The following UNC79 variants were observed in gnomAD, a reference collection of about 807,000 sequenced individuals.
UNC79 encodes unc-79 subunit of NALCN channel complex.
Under a neutral mutation model 283.1 loss-of-function variants are expected in UNC79, and 37 were observed. That is an observed-to-expected ratio of 0.13 (90% CI 0.10 to 0.17). UNC79 has a LOEUF of 0.17. Ranked by LOEUF, UNC79 falls within the 10% of genes least tolerant of loss-of-function variation. The pLI is 1.00. For missense variants in UNC79, 2,272 were observed against 3,211.1 expected (o/e 0.71, Z 7.07); for synonymous variants, 1,107 against 1,200.2 (o/e 0.92, Z 1.61).
At chr14:93,564,032 C>T (rs1254819612) in intron 14 of UNC79, among the ~76,000 whole-genome samples, 2 of 152,152 alleles carry the variant, frequency 1.3e-5, no homozygotes, top group Non-Finnish European at 2.9e-5. Flanking sequence ...GCATGATGGC[C>T]AGCCTAAAAC....
chr14:93,412,541 G>A (rs554611277), intron 1 of UNC79, among the ~76,000 whole-genome samples: 1 of 152,124 alleles, frequency 6.6e-6, no homozygotes, highest in Admixed American at 6.5e-5. Flanking sequence ...AGCAGCAAGA[G>A]AAAATAAAGA....
intron 1 of UNC79, among the ~76,000 whole-genome samples, chr14:93,456,875 T>C (rs2056809713): frequency 1.3e-5 from 2 of 152,220 alleles, no homozygotes; most frequent in Admixed American, 1.3e-4. Context: ...ATGGGTATTC[T>C]TTGATCTCAC....
chr14:93,446,503 C>A (rs2056465112), intron 1 of UNC79, among the ~76,000 whole-genome samples: 1 of 151,010 alleles, frequency 6.6e-6, no homozygotes, highest in Non-Finnish European at 1.5e-5. Flanking sequence ...TTAAGCGATT[C>A]TCTTGCCTCA....
intron 29 of UNC79, among the ~76,000 whole-genome samples, chr14:93,619,130 A>G (rs1257826270): frequency 6.6e-6 from 1 of 152,204 alleles, no homozygotes; most frequent in Non-Finnish European, 1.5e-5. Flanking sequence ...AAAAGTATAA[A>G]TTGTACCAGT....
At chr14:93,629,504 CTT>C (rs1342893673) in intron 30 of UNC79, among the ~76,000 whole-genome samples, 1 of 152,096 alleles carries the variant, frequency 6.6e-6, no homozygotes, top group African/African-American at 2.4e-5. Flanking sequence ...GTTTGGGAAA[CTT>C]TACAAGAGTT....
At chr14:93,695,043 T>G (rs2074991352) in intron 47 of UNC79, among the ~76,000 whole-genome samples, 2 of 152,230 alleles carry the variant, frequency 1.3e-5, no homozygotes. Context: ...AACAGACTAG[T>G]GTGATACAAA....
rs530649831 is a variant in UNC79 at position 93,680,839 on chromosome 14, T to C, written c.6742-1778T>C. Among the ~76,000 whole-genome samples the C allele has an allele frequency of 5.3e-5, 8 of 152,290 alleles. 1 individual carries two copies. The highest frequency in any genetic ancestry group is 1.4e-4 in the African/African-American group (6 of 41,554). ...GGCCTAGATAGCTTTTTAAAATGAA[T>C]TTTATGGGAAAACATGCAATCTCTA... On this transcript the variant is annotated intron_variant, in intron 41 of 48. Transcript: ENST00000555664.
Position 93,580,139 on chromosome 14 carries a change from T to G in UNC79, c.2434-10T>G. On this transcript the variant is annotated splice_polypyrimidine_tract_variant and intron_variant, in intron 18 of 48. Coordinates refer to ENST00000555664, the Ensembl canonical transcript of UNC79. ...GTGTGTGCGTGTGTCCTTTTTTTGA[T>G]GTCTTTCAGATGGAGTTACAAGATG... 9 of 1,602,724 alleles carry G rather than the reference T, an allele frequency of 5.6e-6. No homozygotes were observed. The highest frequency in any genetic ancestry group is 6.8e-6 in the Non-Finnish European group (8 of 1,174,344).
In UNC79 at chr14:93,633,465, A is replaced by G. The variant is rs116330837; in HGVS notation, c.5716+2557A>G. ...GTGAAATGTGTGTATAACATTGAAG[A>G]GTTTCCAGGGGCCATGCGGTCATCC... On this transcript the variant is annotated intron_variant, in intron 31 of 48. Transcript: ENST00000555664. Among the ~76,000 whole-genome samples, 698 of 152,320 alleles carry G rather than the reference A, an allele frequency of 4.6e-3. 9 individuals are homozygous for G. Among genetic ancestry groups the G allele is most frequent in the African/African-American group, 0.016 (680 of 41,558 alleles).
At chr14:93,399,952 A>G (rs1237242987) in intron 1 of UNC79, among the ~76,000 whole-genome samples, 1 of 152,200 alleles carries the variant, frequency 6.6e-6, no homozygotes, top group Non-Finnish European at 1.5e-5. Flanking sequence ...CGCCTGAGAT[A>G]GAACCTGGAA....
chr14:93,519,090 CTGCT>C (rs1479415401), intron 7 of UNC79, among the ~76,000 whole-genome samples: 5 of 151,798 alleles, frequency 3.3e-5, no homozygotes, highest in African/African-American at 1.2e-4. Flanking sequence ...GATTTTCTGT[CTGCT>C]TGTTTTATCA....
intron 1 of UNC79, among the ~76,000 whole-genome samples, chr14:93,370,465 T>G (rs1178380491): frequency 2.6e-5 from 4 of 152,174 alleles, no homozygotes; most frequent in Non-Finnish European, 5.9e-5. Flanking sequence ...AAGAAAGATC[T>G]CTGCGCTTAA....
intron 39 of UNC79, among the ~76,000 whole-genome samples, chr14:93,660,561 A>ATGTGTGTGTGTGTG (rs1351937848): frequency 6.0e-5 from 5 of 83,218 alleles, no homozygotes; most frequent in African/African-American, 2.9e-4. Context: ...ATATATATAT[A>ATGTGTGTGTGTGTG]TATGTGTGTG....
At chr14:93,680,459 C>T (rs1337124396) in intron 41 of UNC79, among the ~76,000 whole-genome samples, 1 of 152,190 alleles carries the variant, frequency 6.6e-6, no homozygotes, top group Non-Finnish European at 1.5e-5. Flanking sequence ...TCCCCTGTGG[C>T]CTCTCTTAGC....
chr14:93,582,114 G>A, intron 19 of UNC79, 89 bp from the exon 20 acceptor site: 6 of 1,599,440 alleles, frequency 3.8e-6, no homozygotes, highest in Non-Finnish European at 5.1e-6. Flanking sequence ...GACACAGCAG[G>A]TGTGCAGTCC....
At chr14:93,619,999 T>A (rs2067005156) in intron 29 of UNC79, among the ~76,000 whole-genome samples, 1 of 152,240 alleles carries the variant, frequency 6.6e-6, no homozygotes, top group African/African-American at 2.4e-5. Context: ...TTGCAACATA[T>A]GAACTCTTTC....
At chr14:93,695,616 G>C (rs994132525) in intron 47 of UNC79, among the ~76,000 whole-genome samples, 1 of 151,958 alleles carries the variant, frequency 6.6e-6, no homozygotes, top group African/African-American at 2.4e-5. Flanking sequence ...TTCAGGCCAG[G>C]CATGGTGGCT....
At chr14:93,431,738 G>A (rs1298883485) in intron 1 of UNC79, among the ~76,000 whole-genome samples, 2 of 152,226 alleles carry the variant, frequency 1.3e-5, no homozygotes, top group Non-Finnish European at 2.9e-5. Flanking sequence ...CATAGCACCG[G>A]AGGATTTTGG....
At chr14:93,428,035 A>G (rs570594776), upstream of UNC79, among the ~76,000 whole-genome samples, 1 of 152,188 alleles carries the variant, frequency 6.6e-6, no homozygotes, top group South Asian at 2.1e-4. Flanking sequence ...GGAATTTCAA[A>G]AAGAAATAGG....
Sources: gnomAD v4.1 joint callset for allele counts (sites outside exome capture counted in the v4.1 genomes callset) on GRCh38, gnomAD v4.1.1 for gene constraint, MANE v1.5 for transcripts, NCBI Gene and HGNC (gene_info 2026-07-23, HGNC 2026-07-21) for gene names.